The following R3HDM1 variants were observed in gnomAD, a reference collection of about 807,000 sequenced individuals.
The protein encoded by R3HDM1 is R3H domain-containing protein 1.
Under a neutral mutation model 141.1 loss-of-function variants are expected in R3HDM1, and 46 were observed. That is an observed-to-expected ratio of 0.33 (90% CI 0.26 to 0.42). The LOEUF (loss-of-function observed/expected upper bound fraction) is 0.42. Ranked by LOEUF, R3HDM1 falls within the 10% of genes least tolerant of loss-of-function variation. The pLI, the probability that R3HDM1 is intolerant of heterozygous loss-of-function variation, is 1.00. For synonymous variants in R3HDM1, 435 were observed against 472.9 expected (o/e 0.92, Z 1.04); for missense variants, 1,184 against 1,368.3 (o/e 0.87, Z 2.12).
chr2:135,701,580 G>T (rs1200376397), intron 21 of R3HDM1, among the ~76,000 whole-genome samples: 1 of 152,096 alleles, frequency 6.6e-6, no homozygotes, highest in African/African-American at 2.4e-5. Flanking sequence ...TCAGGAGGAG[G>T]ATCATTTGAT....
chr2:135,597,187 T>A, intron 1 of R3HDM1: 1 of 972,724 alleles, frequency 1.0e-6, no homozygotes, highest in Non-Finnish European at 1.2e-6. Flanking sequence ...AATGTCCTCC[T>A]AAAATTATTA....
chr2:135,656,526 CA>C (rs2065915006), intron 18 of R3HDM1: 1 of 151,898 alleles, frequency 6.6e-6, no homozygotes, highest in Non-Finnish European at 1.5e-5. Context: ...GTGCAGGGGC[CA>C]TGCTAATCTT....
chr2:135,543,910 A>G (rs1698142955), intron 1 of R3HDM1, among the ~76,000 whole-genome samples: 1 of 152,238 alleles, frequency 6.6e-6, no homozygotes, highest in South Asian at 2.1e-4. Flanking sequence ...CTCAGACCAC[A>G]CTTAGAGAAC....
intron 21 of R3HDM1, among the ~76,000 whole-genome samples, chr2:135,692,422 A>G (rs1177865485): frequency 6.6e-6 from 1 of 152,068 alleles, no homozygotes; most frequent in African/African-American, 2.4e-5. Context: ...CAACAGGGCA[A>G]AACCCTAAAA....
At chr2:135,666,978 TG>T in intron 19 of R3HDM1, 1 of 447,958 alleles carries the variant, frequency 2.2e-6, no homozygotes, top group Non-Finnish European at 2.9e-6. Flanking sequence ...AAGCACAGTC[TG>T]GAAAAAAAAT....
At chr2:135,697,907 A>G (rs944948990) in intron 21 of R3HDM1, among the ~76,000 whole-genome samples, 2 of 151,638 alleles carry the variant, frequency 1.3e-5, no homozygotes, top group Non-Finnish European at 2.9e-5. Flanking sequence ...CAAAAAATTA[A>G]CCAGGCATGG....
intron 1 of R3HDM1, among the ~76,000 whole-genome samples, chr2:135,585,190 G>A (rs747854306): frequency 3.3e-5 from 5 of 152,296 alleles, no homozygotes; most frequent in Admixed American, 2.6e-4. Flanking sequence ...GGAAGATTTT[G>A]TGGATTTCTA....
intron 19 of R3HDM1, among the ~76,000 whole-genome samples, chr2:135,669,879 C>T (rs923637081): frequency 6.6e-6 from 1 of 152,164 alleles, no homozygotes; most frequent in Non-Finnish European, 1.5e-5. Flanking sequence ...TGGCTCACCC[C>T]TGTAATCCCA....
chr2:135,712,261 A>G (rs1008297609), intron 23 of R3HDM1, among the ~76,000 whole-genome samples: 10 of 151,866 alleles, frequency 6.6e-5, no homozygotes, highest in African/African-American at 2.2e-4. Context: ...TGCAGCCTCA[A>G]CCTCCTGGGC....
intron 1 of R3HDM1, among the ~76,000 whole-genome samples, chr2:135,585,023 T>A (rs143955022): frequency 1.3e-5 from 2 of 152,334 alleles, no homozygotes; most frequent in East Asian, 3.9e-4. Flanking sequence ...GATATTTGTT[T>A]CTTGGGTACC....
intron 1 of R3HDM1, chr2:135,581,541 TGTTAA>T: frequency 2.3e-6 from 1 of 428,394 alleles, no homozygotes; most frequent in African/African-American, 2.2e-5. Flanking sequence ...CTCTATGACA[TGTTAA>T]GTTGAAGAGG....
chr2:135,571,037 T>C (rs1048764783), intron 1 of R3HDM1, among the ~76,000 whole-genome samples: 1 of 152,192 alleles, frequency 6.6e-6, no homozygotes, highest in Non-Finnish European at 1.5e-5. Context: ...AAAATAACTA[T>C]ACATTGTTTT....
At position 135,638,887 on chromosome 2, in the gene R3HDM1, A is replaced by G; in HGVS notation, c.993-9A>G. On this transcript the variant is annotated splice_polypyrimidine_tract_variant and intron_variant, in intron 13 of 26. Coordinates refer to ENST00000683871, the MANE Select transcript of R3HDM1 (RefSeq NM_001378107.1). ...ATTAGCTTTTCAAGGTTTTATTTCTAAATTACAGAGTTAATAAAGATGCTT... is the reference window on the plus strand; with the variant it reads ...ATTAGCTTTTCAAGGTTTTATTTCTGAATTACAGAGTTAATAAAGATGCTT... 3.7e-6 allele frequency: 6 copies of G among 1,612,872 alleles called. No individual in the cohort carries two copies. The Admixed American group carries it at 6.7e-5, about 18-fold the overall frequency.
At chr2:135,624,773 T>A (rs1357517741) in intron 7 of R3HDM1, among the ~76,000 whole-genome samples, 1 of 152,088 alleles carries the variant, frequency 6.6e-6, no homozygotes, top group East Asian at 1.9e-4. Context: ...CAGAGATAAC[T>A]GTAAAGAAAA....
chr2:135,559,319 G>A (rs1308272080), intron 1 of R3HDM1, among the ~76,000 whole-genome samples: 1 of 152,024 alleles, frequency 6.6e-6, no homozygotes, highest in Non-Finnish European at 1.5e-5. Flanking sequence ...GTCTTACCAT[G>A]TTGCCCAGGC....
chr2:135,721,698 A>G (rs1235778498), intron 24 of R3HDM1: 2 of 388,240 alleles, frequency 5.2e-6, no homozygotes, highest in East Asian at 5.4e-5. Context: ...AGCAGTTCTC[A>G]TGCCTCAGCC....
intron 22 of R3HDM1, 70 bp from the exon 23 acceptor site, chr2:135,709,989 C>T: frequency 7.0e-7 from 1 of 1,436,862 alleles, no homozygotes; most frequent in Non-Finnish European, 9.5e-7. Context: ...CTACTGTTAT[C>T]CTAGTGTTCA....
chr2:135,699,488 A>G (rs1353979020), intron 21 of R3HDM1, among the ~76,000 whole-genome samples: 2 of 152,198 alleles, frequency 1.3e-5, no homozygotes, highest in Non-Finnish European at 2.9e-5. Context: ...AGAGGATTTC[A>G]TGGGCAGTAA....
rs147866381 is a variant in R3HDM1 at position 135,724,211 on chromosome 2, T to G, written c.3324T>G (p.Ile1108Met). The G allele has an allele frequency of 6.2e-7, 1 of 1,613,862 alleles. No homozygotes were observed. The highest frequency in any genetic ancestry group is 1.3e-5 in the African/African-American group (1 of 74,896). ...SAAQNALKKQ[I>M]NSVNKFKLRT... ...CACAGAATGCACTGAAGAAACAAAT[T>G]AACTCAGTTAACAAGTTTAAGCTGA... Residue 1108 changes from isoleucine (I) to methionine (M), a missense_variant, in exon 27 of 27, where the codon ATT (isoleucine) becomes ATG (methionine). Ile to Met is a conservative substitution (Grantham distance 10, BLOSUM62 1). Coordinates refer to ENST00000683871, the MANE Select transcript of R3HDM1 (RefSeq NM_001378107.1).
Sources: allele counts gnomAD v4.1 joint callset (sites outside exome capture counted in the v4.1 genomes callset), GRCh38; gene constraint gnomAD v4.1.1; transcripts MANE v1.5; gene names NCBI Gene and HGNC (gene_info 2026-07-23, HGNC 2026-07-21).